Variants in RBFOX1 observed in about 807,000 individuals in gnomAD.
The protein encoded by RBFOX1 is RNA binding fox-1 homolog 1, also known as RNA binding protein fox-1 homolog 1.
RBFOX1 carries 8 observed loss-of-function variants against 57.7 expected under a neutral mutation model. That is an observed-to-expected ratio of 0.14 (90% CI 0.08 to 0.25). RBFOX1 has a LOEUF of 0.25. RBFOX1 is among the 10% of genes least tolerant of loss of function. RBFOX1 has a pLI of 1.00. For synonymous variants in RBFOX1, 326 were observed against 222.4 expected, an observed-to-expected ratio of 1.47 and a Z score of -4.15; for missense variants, 611 against 548.5, an observed-to-expected ratio of 1.11 and a Z score of -1.14.
At chr16:7,512,584 C>T (rs549171066) in intron 4 of RBFOX1, among the ~76,000 whole-genome samples, 2 of 152,280 alleles carry the variant, frequency 1.3e-5, no homozygotes, top group South Asian at 4.1e-4. Flanking sequence ...ATCTGGAGTC[C>T]CATGTTCCTG....
chr16:5,673,196 T>A (rs897774552), intron 3 of RBFOX1, among the ~76,000 whole-genome samples: 4 of 152,020 alleles, frequency 2.6e-5, no homozygotes, highest in Middle Eastern at 3.4e-3. Flanking sequence ...AAAATATATT[T>A]AGAGCTCATT....
At chr16:5,757,980 C>T (rs1295201402) in intron 3 of RBFOX1, among the ~76,000 whole-genome samples, 6 of 152,184 alleles carry the variant, frequency 3.9e-5, no homozygotes, top group Admixed American at 2.0e-4. Context: ...ACTGGTCAGC[C>T]ATCACCTCTG....
intron 2 of RBFOX1, among the ~76,000 whole-genome samples, chr16:6,497,175 A>G (rs1291005220): frequency 6.6e-6 from 1 of 152,188 alleles, no homozygotes; most frequent in African/African-American, 2.4e-5. Context: ...ACTTGGCAAC[A>G]GGCCGACTAA....
intron 13 of RBFOX1, among the ~76,000 whole-genome samples, chr16:7,671,287 T>C (rs1341237954): frequency 6.6e-6 from 1 of 152,204 alleles, no homozygotes; most frequent in Non-Finnish European, 1.5e-5. Flanking sequence ...GAAATTATCT[T>C]TTTCTTCTTT....
intron 2 of RBFOX1, among the ~76,000 whole-genome samples, chr16:6,404,412 G>C (rs2093198236): frequency 6.6e-6 from 1 of 152,066 alleles, no homozygotes; most frequent in African/African-American, 2.4e-5. Flanking sequence ...TAGTATTTGT[G>C]ATGGTAGTCC....
chr16:5,785,717 G>A (rs1478252534), intron 3 of RBFOX1, among the ~76,000 whole-genome samples: 1 of 152,034 alleles, frequency 6.6e-6, no homozygotes, highest in African/African-American at 2.4e-5. Context: ...AATAGAGACA[G>A]GGTTTCTCCA....
At chr16:7,155,691 C>A (rs1464204240) in intron 4 of RBFOX1, among the ~76,000 whole-genome samples, 1 of 88,028 alleles carries the variant, frequency 1.1e-5, no homozygotes, top group East Asian at 2.6e-4. Flanking sequence ...CTCCCTTCTC[C>A]TCCCACCAAA....
At chr16:5,436,885 A>G (rs185001862) in intron 1 of RBFOX1, among the ~76,000 whole-genome samples, 16 of 152,104 alleles carry the variant, frequency 1.1e-4, no homozygotes, top group African/African-American at 1.7e-4. Context: ...TGCCTTGAAT[A>G]TTTAGTTTCA....
At chr16:7,639,816 G>A (rs2062457331) in intron 11 of RBFOX1, among the ~76,000 whole-genome samples, 1 of 152,110 alleles carries the variant, frequency 6.6e-6, no homozygotes, top group South Asian at 2.1e-4. Flanking sequence ...CCCATGGATT[G>A]AGGTGTTTTC....
intron 2 of RBFOX1, among the ~76,000 whole-genome samples, chr16:5,543,908 T>C (rs1277644384): frequency 1.3e-5 from 2 of 152,100 alleles, no homozygotes; most frequent in South Asian, 2.1e-4. Flanking sequence ...AAAACACTAA[T>C]GTAAGTGCAA....
chr16:6,205,600 A>C (rs1424029320), intron 1 of RBFOX1, among the ~76,000 whole-genome samples: 1 of 152,168 alleles, frequency 6.6e-6, no homozygotes, highest in Non-Finnish European at 1.5e-5. Flanking sequence ...TTTGGTGTAC[A>C]GCAGTGATCT....
intron 3 of RBFOX1, among the ~76,000 whole-genome samples, chr16:6,894,680 G>GT (rs1233612223): frequency 6.6e-6 from 1 of 152,128 alleles, no homozygotes; most frequent in African/African-American, 2.4e-5. Context: ...GAAACTGATA[G>GT]CCTCGACCTC....
chr16:6,705,688 A>C (rs976898051), intron 3 of RBFOX1: 7 of 152,180 alleles, frequency 4.6e-5, no homozygotes, highest in African/African-American at 1.7e-4. Flanking sequence ...ACTGTGATAG[A>C]GTATGTCTTA....
At chr16:6,846,520 A>G (rs6500851) in intron 3 of RBFOX1, among the ~76,000 whole-genome samples, 117,869 of 152,048 alleles carry the variant, frequency 0.78, 46,300 homozygotes, top group East Asian at 0.9. Context: ...AATGTGTAAC[A>G]TACCAGACAG....
chr16:5,605,252 T>G (rs2047529631), intron 3 of RBFOX1, among the ~76,000 whole-genome samples: 1 of 152,224 alleles, frequency 6.6e-6, no homozygotes, highest in Admixed American at 6.5e-5. Context: ...CTCCAAGGAC[T>G]TTGGCTTCCG....
chr16:5,539,093 C>T (rs2044823187), intron 2 of RBFOX1, among the ~76,000 whole-genome samples: 1 of 152,186 alleles, frequency 6.6e-6, no homozygotes, highest in African/African-American at 2.4e-5. Context: ...GCCTTTCAGA[C>T]TCTCTTGTGT....
chr16:7,705,404 C>T (rs1013190217), intron 14 of RBFOX1, among the ~76,000 whole-genome samples: 2 of 151,938 alleles, frequency 1.3e-5, no homozygotes, highest in South Asian at 2.1e-4. Flanking sequence ...ATTCGGGAGG[C>T]TGAGGCAGGA....
intron 1 of RBFOX1, among the ~76,000 whole-genome samples, chr16:5,403,359 A>C (rs201510491): frequency 0.045 from 6,713 of 149,158 alleles, 198 homozygotes; most frequent in African/African-American, 0.06. Context: ...CAAAAAAAAA[A>C]AAAAAAAACA....
intron 4 of RBFOX1, among the ~76,000 whole-genome samples, chr16:7,334,094 C>A (rs532778990): frequency 7.2e-5 from 11 of 152,148 alleles, no homozygotes; most frequent in Non-Finnish European, 1.0e-4. Context: ...ATTACAATTT[C>A]TGGGAACCAT....
Sources: allele counts gnomAD v4.1 joint callset (sites outside exome capture counted in the v4.1 genomes callset), GRCh38; gene constraint gnomAD v4.1.1; transcripts MANE v1.5; gene names NCBI Gene and HGNC (gene_info 2026-07-23, HGNC 2026-07-21).